The following CARS2 variants were observed in gnomAD, a reference collection of about 807,000 sequenced individuals.
CARS2 encodes cysteinyl-tRNA synthetase 2, mitochondrial.
CARS2 carries 52 observed loss-of-function variants against 68.8 expected under a neutral mutation model. The ratio of observed to expected loss-of-function variants is 0.76; its 90% CI spans 0.61 to 0.95. CARS2 has a LOEUF of 0.95. Ranked by LOEUF, CARS2 falls within the 40% of genes least tolerant of loss-of-function variation. The probability of loss-of-function intolerance (pLI) is 0.00; values close to 1 mark genes in which losing one functional copy is unlikely to be tolerated. For missense variants in CARS2, 780 were observed against 754.2 expected, an observed-to-expected ratio of 1.03 and a Z score of -0.40; for synonymous variants, 314 against 303.6, an observed-to-expected ratio of 1.03 and a Z score of -0.36.
At chr13:110,706,185 C>CGCCCA (rs2063954714), upstream of CARS2, 1 of 956,092 alleles carries the variant, frequency 1.0e-6, no homozygotes, top group African/African-American at 1.7e-5. Context: ...CGCCCCGCCC[C>CGCCCA]GCCCACGCCC....
At chr13:110,711,047 A>G (rs2064022641), upstream of CARS2, among the ~76,000 whole-genome samples, 1 of 152,184 alleles carries the variant, frequency 6.6e-6, no homozygotes, top group African/African-American at 2.4e-5. Context: ...TTCTAGAGCC[A>G]ATGAATGCTA....
chr13:110,662,268 C>T (rs1167745819), intron 9 of CARS2, among the ~76,000 whole-genome samples: 1 of 149,084 alleles, frequency 6.7e-6, no homozygotes, highest in East Asian at 2.0e-4. Flanking sequence ...TCATGCAACC[C>T]CGTGGCCGGG....
Position 110,647,161 on chromosome 13 carries a change from C to T in CARS2, c.1133G>A (p.Arg378His), listed in dbSNP as rs770630631. Residue 378 changes from arginine (R) to histidine (H), a missense_variant, in exon 11 of 15, where the codon CGT becomes CAT. Transcript: ENST00000257347. ...GGCCAGCTGCCCCTTCATGTAGGCA[C>T]GTGCGTCCTCCAGGAAAGAGCCCAG... ...LGLGSFLEDA[R>H]AYMKGQLACG... 1.2e-5 allele frequency: 20 copies of T among 1,611,800 alleles called. No individual in the cohort carries two copies. Among genetic ancestry groups the T allele is most frequent in the East Asian group, 2.2e-5 (1 of 44,870 alleles).
At chr13:110,648,847 T>C (rs1480254424) in intron 10 of CARS2, 1 of 152,140 alleles carries the variant, frequency 6.6e-6, no homozygotes, top group Non-Finnish European at 1.5e-5. Context: ...AGGACAGTCA[T>C]ACAAGATGCT....
Position 110,644,483 on chromosome 13 carries a change from C to A in CARS2, c.1318G>T (p.Glu440Ter). 6.2e-7 allele frequency: 1 copy of A among 1,613,932 alleles called. No homozygotes were observed. Among genetic ancestry groups the A allele is most frequent in the South Asian group, 1.1e-5 (1 of 91,076 alleles). Residue 440 changes from glutamate to a stop codon, truncating the protein, a stop_gained and splice_region_variant, in exon 13 of 15, where the codon GAA becomes TAA. Coordinates refer to ENST00000257347, the MANE Select transcript of CARS2 (RefSeq NM_024537.4). LOFTEE classifies it high-confidence loss of function. The stretch of plus-strand genomic sequence containing the variant: ...GCAGGACTTCTCGGCCCTTCAGGTT[C>A]CTGTAAGAGATCATGTCGCAGAAGC... ...GNGQLRASLK[E>*]PEGPRSPAVF...
intron 3 of CARS2, among the ~76,000 whole-genome samples, chr13:110,695,456 A>G (rs184986853): frequency 9.2e-5 from 14 of 152,272 alleles, no homozygotes; most frequent in African/African-American, 3.1e-4. Context: ...TCGAGCATCC[A>G]AGGATTTTGG....
chr13:110,708,483 A>G (rs1283387262), upstream of CARS2, among the ~76,000 whole-genome samples: 1 of 152,236 alleles, frequency 6.6e-6, no homozygotes, highest in African/African-American at 2.4e-5. Context: ...ATAGAACATC[A>G]CAACTTTTAA....
Position 110,706,030 on chromosome 13 carries a change from C to G in CARS2, c.64G>C (p.Gly22Arg), listed in dbSNP as rs534818713. 7.1e-7 allele frequency: 1 copy of G among 1,406,926 alleles called. No homozygotes were observed. The highest frequency in any genetic ancestry group is 9.2e-7 in the Non-Finnish European group (1 of 1,083,830). The allele number at this position is 1,406,926 out of a possible 1,614,324, so 87.2% of individuals were successfully genotyped here. A position where few individuals can be genotyped will look rare whatever the true frequency, so the allele number is the denominator to read the frequency against. ...PPLLQAALGL[G>R]RAGWHWPAGR... The stretch of plus-strand genomic sequence containing the variant: ...GCAGGCCAGTGCCACCCAGCCCGCC[C>G]AAGGCCCAGCGCGGCCTGGAGCAGC... Residue 22 changes from glycine to arginine, a missense_variant, in exon 1 of 15, where the codon GGG becomes CGG. Coordinates refer to ENST00000257347, the MANE Select transcript of CARS2 (RefSeq NM_024537.4).
intron 7 of CARS2, among the ~76,000 whole-genome samples, chr13:110,673,388 G>T (rs1039958944): frequency 6.6e-6 from 1 of 152,154 alleles, no homozygotes; most frequent in Admixed American, 6.5e-5. Flanking sequence ...TTCATCCCTG[G>T]GATGCAAGGC....
intron 5 of CARS2, 114 bp from the exon 6 acceptor site, chr13:110,683,248 C>T: frequency 1.6e-6 from 1 of 614,540 alleles, no homozygotes; most frequent in Non-Finnish European, 2.6e-6. Context: ...AGCATTTGGC[C>T]CCATATACAT....
chr13:110,657,967 C>A (rs373482506), intron 9 of CARS2, among the ~76,000 whole-genome samples: 4 of 152,194 alleles, frequency 2.6e-5, no homozygotes, highest in African/African-American at 9.7e-5. Flanking sequence ...CTACCTGGAT[C>A]AAACTGACCC....
rs1210263488 is a variant in CARS2, at chr13:110,663,520, T to C, written c.920-2A>G. The C allele has an allele frequency of 6.2e-7, 1 of 1,613,752 alleles. No individual in the cohort carries two copies. Among genetic ancestry groups the C allele is most frequent in the Non-Finnish European group, 8.5e-7 (1 of 1,179,894 alleles). On this transcript the variant is annotated splice_acceptor_variant, in intron 8 of 14. Coordinates refer to ENST00000257347, the MANE Select transcript of CARS2 (RefSeq NM_024537.4). LOFTEE classifies it high-confidence loss of function. The stretch of plus-strand genomic sequence containing the variant: ...CTTTGCCTTTGGCGTGCAAATGCCC[T>C]GAAACAAAAACAAAAGCATTCAGTC...
At chr13:110,690,998 T>C (rs1364604338) in intron 3 of CARS2, among the ~76,000 whole-genome samples, 1 of 152,160 alleles carries the variant, frequency 6.6e-6, no homozygotes, top group Admixed American at 6.5e-5. Context: ...CTTTTTCTTA[T>C]TGGATGTTAG....
At chr13:110,708,222 T>C (rs1051028080), upstream of CARS2, among the ~76,000 whole-genome samples, 35 of 152,364 alleles carry the variant, frequency 2.3e-4, no homozygotes, top group African/African-American at 8.4e-4. Flanking sequence ...TGAATGTTGA[T>C]GAATTAATCC....
chr13:110,706,057 G>T lies in CARS2; in HGVS notation c.37C>A (p.Pro13Thr), dbSNP rs1044669719. 3 of 1,359,810 alleles carry T rather than the reference G, an allele frequency of 2.2e-6. No homozygotes were observed. Among genetic ancestry groups the T allele is most frequent in the African/African-American group, 1.5e-5 (1 of 65,852 alleles). The allele number at this position is 1,359,810 out of a possible 1,614,324, so 84.2% of individuals were successfully genotyped here. ...AGGCCCAGCGCGGCCTGGAGCAGCGGGGGGCCCAGGCCTGGGCCGCGCGTA... is the reference window on the plus strand; with the variant it reads ...AGGCCCAGCGCGGCCTGGAGCAGCGTGGGGCCCAGGCCTGGGCCGCGCGTA... ...RTTRGPGLGP[P>T]LLQAALGLGR... The change falls in exon 1 of 15, where the codon CCG becomes ACG. Residue 13 changes from proline to threonine, a missense_variant. Physicochemically the swap from Pro to Thr is conservative, Grantham distance 38. Transcript: ENST00000257347.
chr13:110,673,382 T>A (rs2062855802), intron 7 of CARS2, among the ~76,000 whole-genome samples: 1 of 152,190 alleles, frequency 6.6e-6, no homozygotes, highest in Non-Finnish European at 1.5e-5. Flanking sequence ...GTGGGCTTCA[T>A]CCCTGGGATG....
chr13:110,709,169 T>G (rs1256169152), upstream of CARS2, among the ~76,000 whole-genome samples: 1 of 151,826 alleles, frequency 6.6e-6, no homozygotes, highest in East Asian at 1.9e-4. Flanking sequence ...GCGATTCTCC[T>G]GCCTCTTTCT....
At chr13:110,677,575 C>A (rs1205027232) in intron 6 of CARS2, among the ~76,000 whole-genome samples, 1 of 94,934 alleles carries the variant, frequency 1.1e-5, no homozygotes, top group Non-Finnish European at 2.2e-5. Flanking sequence ...CAGACAGTCA[C>A]CCCCACCATG....
At chr13:110,712,412 C>A in intron 1 of CARS2, 1 of 188,812 alleles carries the variant, frequency 5.3e-6, no homozygotes. Flanking sequence ...GGAGGGGACC[C>A]GCGGCGGCCG....
Sources: gnomAD v4.1 joint callset for allele counts (sites outside exome capture counted in the v4.1 genomes callset) on GRCh38, gnomAD v4.1.1 for gene constraint, MANE v1.5 for transcripts, NCBI Gene and HGNC (gene_info 2026-07-23, HGNC 2026-07-21) for gene names.